Variants in NECAB1 observed in about 807,000 individuals in gnomAD.
NECAB1 encodes the protein N-terminal EF-hand calcium binding protein 1, also known as N-terminal EF-hand calcium-binding protein 1.
A neutral mutation model predicts 57.5 loss-of-function variants in NECAB1; 29 were observed. That is an observed-to-expected ratio of 0.50 (90% confidence interval 0.38 to 0.69). The LOEUF is 0.69. NECAB1 is among the 30% of genes least tolerant of loss of function. The pLI, the probability that NECAB1 is intolerant of heterozygous loss-of-function variation, is 0.00. For missense variants in NECAB1, 372 were observed against 413.8 expected (o/e 0.90, Z 0.88); for synonymous variants, 142 against 147.7 (o/e 0.96, Z 0.28).
rs184143857 is a variant in NECAB1 at position 90,906,537 on chromosome 8, C to T, written c.358-10955C>T. Among the ~76,000 whole-genome samples the T allele has an allele frequency of 2.8e-4, 42 of 152,188 alleles. No individual in the cohort carries two copies. The East Asian group carries it at 7.6e-3, about 27-fold the overall frequency. ...CTACAGTAGAGCAAGGCCTTCAATG[C>T]AAGATTACTGTCAGTCTCTTTGTCT... On this transcript the variant is annotated intron_variant, in intron 5 of 12. Transcript: ENST00000417640.
chr8:90,851,691 C>T (rs901997193), intron 3 of NECAB1, among the ~76,000 whole-genome samples: 1 of 152,158 alleles, frequency 6.6e-6, no homozygotes, highest in Non-Finnish European at 1.5e-5. Context: ...ATACCCCCTG[C>T]ATCCACATAT....
At chr8:90,852,496 G>C (rs1024944038) in intron 3 of NECAB1, among the ~76,000 whole-genome samples, 15 of 152,088 alleles carry the variant, frequency 9.9e-5, no homozygotes, top group Admixed American at 6.5e-4. Context: ...TCAAGCCAAA[G>C]GCCTGAAACT....
At chr8:90,874,277 G>A (rs1457333209) in intron 4 of NECAB1, among the ~76,000 whole-genome samples, 1 of 152,146 alleles carries the variant, frequency 6.6e-6, no homozygotes, top group Non-Finnish European at 1.5e-5. Context: ...TTTCCTAGAA[G>A]CCAATTAGAA....
Position 90,813,482 on chromosome 8 carries a change from AAT to A in NECAB1, c.125-11232_125-11231del, listed in dbSNP as rs926778217. On this transcript the variant is annotated intron_variant, in intron 2 of 12. Coordinates refer to ENST00000417640, the MANE Select transcript of NECAB1 (RefSeq NM_022351.5). ...GTAGAGTCAGCTTTTAATATATTTT[AAT>A]ATGTTAAAATATTTTAATGCTACAT... Among the ~76,000 whole-genome samples the A allele has an allele frequency of 3.9e-5, 6 of 152,132 alleles. No homozygotes were observed. In the East Asian group the frequency reaches 9.6e-4, roughly 24 times the overall value.
At chr8:90,845,787 T>A (rs970817005) in intron 3 of NECAB1, among the ~76,000 whole-genome samples, 2 of 152,190 alleles carry the variant, frequency 1.3e-5, no homozygotes, top group Non-Finnish European at 2.9e-5. Flanking sequence ...AAATCAAAGG[T>A]CAGTAGTCAG....
intron 12 of NECAB1, among the ~76,000 whole-genome samples, chr8:90,954,855 AT>A (rs1424700949): frequency 6.7e-6 from 1 of 148,296 alleles, no homozygotes; most frequent in Non-Finnish European, 1.5e-5. Context: ...ATTTATAAAT[AT>A]ATGTATACAT....
chr8:90,834,086 C>A (rs1334369590), intron 3 of NECAB1, among the ~76,000 whole-genome samples: 1 of 150,118 alleles, frequency 6.7e-6, no homozygotes, highest in Non-Finnish European at 1.5e-5. Context: ...TTGATTGAAC[C>A]CAGCAGGTGG....
At chr8:90,921,513 A>G (rs923233479) in intron 6 of NECAB1, among the ~76,000 whole-genome samples, 1 of 152,052 alleles carries the variant, frequency 6.6e-6, no homozygotes, top group Admixed American at 6.5e-5. Context: ...TACTCAAAAT[A>G]CAAAGAAATT....
intron 5 of NECAB1, among the ~76,000 whole-genome samples, chr8:90,892,183 T>A (rs561727978): frequency 6.6e-6 from 1 of 152,300 alleles, no homozygotes; most frequent in East Asian, 1.9e-4. Context: ...CTTCCTTACA[T>A]GGTCATGTAG....
intron 7 of NECAB1, among the ~76,000 whole-genome samples, chr8:90,927,204 C>CTTTTTTT (rs545020130): frequency 7.6e-6 from 1 of 131,132 alleles, no homozygotes; most frequent in African/African-American, 3.0e-5. Flanking sequence ...TTTTCTCTCT[C>CTTTTTTT]TTTTTTTTTT....
intron 3 of NECAB1, among the ~76,000 whole-genome samples, chr8:90,855,526 G>T (rs899259335): frequency 3.3e-5 from 5 of 152,176 alleles, no homozygotes; most frequent in African/African-American, 1.2e-4. Context: ...GGATAAGGTT[G>T]CTTATGAAGC....
At chr8:90,849,238 AGAAGGGAGTCACTT>A (rs1267852823) in intron 3 of NECAB1, among the ~76,000 whole-genome samples, 2 of 152,302 alleles carry the variant, frequency 1.3e-5, no homozygotes, top group African/African-American at 4.8e-5. Context: ...GGGAAGCCAC[AGAAGGGAGTCACTT>A]GAAGCCATGA....
intron 5 of NECAB1, among the ~76,000 whole-genome samples, chr8:90,884,225 T>C (rs1486850903): frequency 2.0e-5 from 3 of 152,210 alleles, no homozygotes; most frequent in Non-Finnish European, 4.4e-5. Flanking sequence ...ATCCTAGCAC[T>C]GCCGGGCCTC....
chr8:90,858,540 C>T (rs1812837222), intron 3 of NECAB1, among the ~76,000 whole-genome samples: 1 of 151,164 alleles, frequency 6.6e-6, no homozygotes, highest in South Asian at 2.1e-4. Flanking sequence ...AGAGTATATC[C>T]ATGAATATCT....
At chr8:90,797,991 G>A (rs758804426) in intron 1 of NECAB1, among the ~76,000 whole-genome samples, 4 of 152,176 alleles carry the variant, frequency 2.6e-5, no homozygotes, top group Non-Finnish European at 5.9e-5. Flanking sequence ...CAGTTCTGGA[G>A]GTGAGAAGGG....
intron 2 of NECAB1, among the ~76,000 whole-genome samples, chr8:90,807,771 TG>T (rs1349554661): frequency 2.0e-5 from 3 of 152,192 alleles, no homozygotes; most frequent in African/African-American, 7.2e-5. Flanking sequence ...CACATAGCTC[TG>T]TACTCATATG....
rs150242358 is a variant in NECAB1, at chr8:90,822,993, T to C, written c.125-1724T>C. 2.2e-4 allele frequency among the ~76,000 whole-genome samples: 33 copies of C among 151,886 alleles called. No individual in the cohort carries two copies. In the East Asian group the frequency reaches 6.2e-3, roughly 29 times the overall value. On this transcript the variant is annotated intron_variant, in intron 2 of 12. Coordinates refer to ENST00000417640, the MANE Select transcript of NECAB1 (RefSeq NM_022351.5). Reference sequence around the variant, plus strand: ...AAAGCAAGGAGATACACAGTAGAAATACCACACTATGTCTTGTCTAGCATA... The same window carrying C: ...AAAGCAAGGAGATACACAGTAGAAACACCACACTATGTCTTGTCTAGCATA...
intron 1 of NECAB1, among the ~76,000 whole-genome samples, chr8:90,792,247 T>C (rs1563488320): frequency 6.6e-6 from 1 of 152,226 alleles, no homozygotes; most frequent in Non-Finnish European, 1.5e-5. Context: ...AGAGACACTA[T>C]TGCAAATACA....
At chr8:90,894,265 A>T (rs1453774383) in intron 5 of NECAB1, among the ~76,000 whole-genome samples, 1 of 152,198 alleles carries the variant, frequency 6.6e-6, no homozygotes, top group African/African-American at 2.4e-5. Context: ...AAGGAAATAC[A>T]TGATATTAGA....
Sources: gnomAD v4.1 joint callset for allele counts (sites outside exome capture counted in the v4.1 genomes callset) on GRCh38, gnomAD v4.1.1 for gene constraint, MANE v1.5 for transcripts, NCBI Gene and HGNC (gene_info 2026-07-23, HGNC 2026-07-21) for gene names.